Variants in CSMD1 observed in about 807,000 individuals in gnomAD.
CSMD1 encodes CUB and sushi domain-containing protein 1.
In CSMD1, 213 loss-of-function variants were observed where a neutral mutation model predicts 417.5. That is an observed-to-expected ratio of 0.51 (90% CI 0.46 to 0.57). The LOEUF (loss-of-function observed/expected upper bound fraction) is 0.57, where lower values mean the gene tolerates loss of function less well. Ranked by LOEUF, CSMD1 falls within the 20% of genes least tolerant of loss-of-function variation. CSMD1 has a pLI of 0.00. For missense variants in CSMD1, 6,923 were observed against 4,529.7 expected (o/e 1.53, Z -15.17); for synonymous variants, 2,862 against 1,736.8 (o/e 1.65, Z -16.11).
chr8:4,549,895 T>TAA (rs1563277700), intron 2 of CSMD1, among the ~76,000 whole-genome samples: 6,482 of 65,322 alleles, frequency 0.099, 409 homozygotes, highest in South Asian at 0.15. Flanking sequence ...AGACTTTGTC[T>TAA]CAAAAAAAAA....
chr8:4,693,379 T>A (rs992847391), intron 1 of CSMD1, among the ~76,000 whole-genome samples: 1 of 152,186 alleles, frequency 6.6e-6, no homozygotes, highest in African/African-American at 2.4e-5. Flanking sequence ...AGAAAACAGC[T>A]GGATGGTAGG....
chr8:4,168,902 C>A (rs912556692), intron 3 of CSMD1, among the ~76,000 whole-genome samples: 1 of 152,144 alleles, frequency 6.6e-6, no homozygotes, highest in Non-Finnish European at 1.5e-5. Context: ...CTTATCCAAC[C>A]GCCAGTGCCA....
At chr8:4,584,917 C>A (rs1799623749) in intron 2 of CSMD1, among the ~76,000 whole-genome samples, 1 of 152,074 alleles carries the variant, frequency 6.6e-6, no homozygotes, top group Non-Finnish European at 1.5e-5. Context: ...CAAATTTAGA[C>A]TGGATTAAGG....
chr8:4,855,373 G>A (rs998124097), intron 1 of CSMD1, among the ~76,000 whole-genome samples: 6 of 152,112 alleles, frequency 3.9e-5, no homozygotes, highest in Non-Finnish European at 8.8e-5. Context: ...TCCTCCAAAG[G>A]AACGCAGTTC....
intron 3 of CSMD1, among the ~76,000 whole-genome samples, chr8:4,075,309 A>G (rs940582163): frequency 6.6e-6 from 1 of 152,208 alleles, no homozygotes; most frequent in South Asian, 2.1e-4. Context: ...GTAAATAAAA[A>G]CATAAATACC....
intron 5 of CSMD1, among the ~76,000 whole-genome samples, chr8:3,997,075 G>C (rs1321204752): frequency 1.3e-5 from 2 of 152,094 alleles, no homozygotes; most frequent in Non-Finnish European, 2.9e-5. Context: ...ACCCATTCTT[G>C]TTTAGTCATA....
intron 6 of CSMD1, among the ~76,000 whole-genome samples, chr8:3,712,021 T>C (rs73185364): frequency 0.3 from 45,885 of 152,102 alleles, 7,528 homozygotes; most frequent in East Asian, 0.49. Context: ...AATTTCGTAC[T>C]CTTGCAAACA....
At chr8:4,921,636 C>G (rs1047471760) in intron 1 of CSMD1, among the ~76,000 whole-genome samples, 2 of 152,076 alleles carry the variant, frequency 1.3e-5, no homozygotes, top group East Asian at 1.9e-4. Flanking sequence ...GAAGGATAAC[C>G]AACAAGTGTG....
At chr8:3,563,215 C>T (rs1177574942) in intron 10 of CSMD1, among the ~76,000 whole-genome samples, 1 of 151,934 alleles carries the variant, frequency 6.6e-6, no homozygotes, top group East Asian at 1.9e-4. Context: ...TTTCTAATGT[C>T]TTCCTTCTAA....
chr8:4,468,422 A>G (rs1047439624), intron 2 of CSMD1, among the ~76,000 whole-genome samples: 3 of 152,216 alleles, frequency 2.0e-5, no homozygotes, highest in Non-Finnish European at 4.4e-5. Context: ...GACAACACCT[A>G]CTTTGATGAG....
At chr8:3,935,735 C>G (rs570004665) in intron 5 of CSMD1, among the ~76,000 whole-genome samples, 9 of 152,204 alleles carry the variant, frequency 5.9e-5, no homozygotes, top group South Asian at 2.1e-4. Flanking sequence ...CTTCATTGGG[C>G]CTCGCTATTC....
chr8:4,700,383 A>G (rs929722918), intron 1 of CSMD1, among the ~76,000 whole-genome samples: 3 of 152,044 alleles, frequency 2.0e-5, no homozygotes, highest in Admixed American at 2.0e-4. Flanking sequence ...CAACCTGATC[A>G]TTTGCTATAC....
intron 5 of CSMD1, among the ~76,000 whole-genome samples, chr8:3,755,780 A>C (rs1487473917): frequency 6.6e-6 from 1 of 152,174 alleles, no homozygotes; most frequent in African/African-American, 2.4e-5. Flanking sequence ...AACCAATTAC[A>C]ACAGTGTTTA....
intron 1 of CSMD1, among the ~76,000 whole-genome samples, chr8:4,867,984 C>T (rs1428051063): frequency 2.6e-5 from 4 of 151,792 alleles, no homozygotes; most frequent in Non-Finnish European, 4.4e-5. Flanking sequence ...TTTGTACATC[C>T]TTTAAATTCA....
intron 7 of CSMD1, among the ~76,000 whole-genome samples, chr8:3,620,001 C>G (rs753534140): frequency 2.2e-4 from 33 of 152,172 alleles, no homozygotes; most frequent in African/African-American, 5.8e-4. Context: ...ACTTGGGAGG[C>G]TGAGACAGGA....
intron 5 of CSMD1, among the ~76,000 whole-genome samples, chr8:3,862,556 C>A (rs577275576): frequency 6.6e-6 from 1 of 152,308 alleles, no homozygotes; most frequent in South Asian, 2.1e-4. Context: ...AGATTTTCAG[C>A]ACCTGTAATT....
intron 3 of CSMD1, among the ~76,000 whole-genome samples, chr8:4,386,303 C>A (rs1043042279): frequency 6.6e-6 from 1 of 152,092 alleles, no homozygotes; most frequent in African/African-American, 2.4e-5. Flanking sequence ...AAACAAAACA[C>A]ACTATCAGAC....
intron 3 of CSMD1, among the ~76,000 whole-genome samples, chr8:4,235,754 T>G (rs972900337): frequency 3.9e-5 from 6 of 152,206 alleles, no homozygotes; most frequent in Non-Finnish European, 7.3e-5. Flanking sequence ...GGAAAAAATG[T>G]GTCCCCCATC....
At chr8:4,051,860 C>G (rs868602145) in intron 3 of CSMD1, among the ~76,000 whole-genome samples, 9 of 34,698 alleles carry the variant, frequency 2.6e-4, no homozygotes, top group African/African-American at 5.0e-4. Flanking sequence ...TTTTCTCTTT[C>G]TTTCTTTCCT....
Sources: gnomAD v4.1 joint callset for allele counts (sites outside exome capture counted in the v4.1 genomes callset) on GRCh38, gnomAD v4.1.1 for gene constraint, MANE v1.5 for transcripts, NCBI Gene and HGNC (gene_info 2026-07-23, HGNC 2026-07-21) for gene names.